Variants in GRM5 observed in about 807,000 individuals in gnomAD.
GRM5 encodes glutamate metabotropic receptor 5, also known as metabotropic glutamate receptor 5.
A neutral mutation model predicts 83.1 loss-of-function variants in GRM5; 19 were observed. The observed-to-expected ratio is 0.23, with a 90% CI of 0.16 to 0.34. The LOEUF (loss-of-function observed/expected upper bound fraction) is 0.34. Among genes scored for constraint, GRM5 ranks in the 10% least tolerant of loss-of-function variants. The pLI is 1.00. For missense variants in GRM5, 1,160 were observed against 1,588.3 expected (o/e 0.73, Z 4.58); for synonymous variants, 675 against 633.6 (o/e 1.07, Z -0.98).
chr11:88,767,037 T>A (rs1942636641), intron 3 of GRM5, among the ~76,000 whole-genome samples: 1 of 151,712 alleles, frequency 6.6e-6, no homozygotes, highest in Non-Finnish European at 1.5e-5. Context: ...ATTTAATTTT[T>A]TTCTCTTGTT....
intron 4 of GRM5, among the ~76,000 whole-genome samples, chr11:88,648,160 C>T (rs1392953689): frequency 6.6e-6 from 1 of 152,068 alleles, no homozygotes; most frequent in Non-Finnish European, 1.5e-5. Flanking sequence ...TGGGTATATA[C>T]CCAAAGGACT....
intron 3 of GRM5, among the ~76,000 whole-genome samples, chr11:88,794,072 C>T (rs1172671105): frequency 2.0e-5 from 3 of 152,140 alleles, no homozygotes; most frequent in Non-Finnish European, 4.4e-5. Context: ...ATCTGCCTGC[C>T]TCAGCCTTTA....
chr11:88,525,280 C>A, intron 9 of GRM5, 29 bp downstream of exon 9: 1 of 1,288,156 alleles, frequency 7.8e-7, no homozygotes, highest in Non-Finnish European at 1.1e-6. Context: ...TTATTTCACA[C>A]CACCTCAGGC....
intron 3 of GRM5, among the ~76,000 whole-genome samples, chr11:88,810,484 G>T (rs909542974): frequency 8.6e-5 from 13 of 152,014 alleles, no homozygotes; most frequent in Non-Finnish European, 8.8e-5. Flanking sequence ...TATAAGATTA[G>T]CAAGGTATGG....
chr11:88,712,188 C>G (rs1335433246), intron 3 of GRM5, among the ~76,000 whole-genome samples: 3 of 152,054 alleles, frequency 2.0e-5, no homozygotes, highest in Non-Finnish European at 1.5e-5. Context: ...CAACAAGGTA[C>G]TGAGATTCAG....
chr11:88,911,425 A>G (rs1221192732), intron 2 of GRM5, among the ~76,000 whole-genome samples: 1 of 152,180 alleles, frequency 6.6e-6, no homozygotes, highest in East Asian at 1.9e-4. Context: ...AAACAAATTT[A>G]ACAAATTAAA....
chr11:88,519,650 A>C (rs1941625106), intron 9 of GRM5, among the ~76,000 whole-genome samples: 1 of 152,186 alleles, frequency 6.6e-6, no homozygotes, highest in African/African-American at 2.4e-5. Flanking sequence ...CAGGGAAATT[A>C]TATCATTGAA....
intron 4 of GRM5, among the ~76,000 whole-genome samples, chr11:88,612,290 C>A (rs1001825202): frequency 6.6e-6 from 1 of 150,516 alleles, no homozygotes; most frequent in Non-Finnish European, 1.5e-5. Flanking sequence ...CTACAAAGGA[C>A]ATGAACCCAT....
chr11:88,791,949 A>G (rs2135475753), intron 3 of GRM5, among the ~76,000 whole-genome samples: 2 of 152,276 alleles, frequency 1.3e-5, no homozygotes, highest in Middle Eastern at 6.8e-3. Flanking sequence ...AAAAAAGAGT[A>G]AAATGGATTT....
intron 1 of GRM5, among the ~76,000 whole-genome samples, chr11:89,061,815 AG>A (rs1942000242): frequency 6.6e-6 from 1 of 152,238 alleles, no homozygotes; most frequent in African/African-American, 2.4e-5. Context: ...AACATTGAAG[AG>A]TTTGGGCTTT....
intron 3 of GRM5, among the ~76,000 whole-genome samples, chr11:88,780,956 T>C (rs946851280): frequency 2.6e-5 from 4 of 152,036 alleles, no homozygotes; most frequent in African/African-American, 9.7e-5. Context: ...CTGTAGTCAT[T>C]AAACATGGCT....
intron 9 of GRM5, chr11:88,511,615 G>A (rs993850065): frequency 6.6e-6 from 1 of 152,228 alleles, no homozygotes; most frequent in Non-Finnish European, 1.5e-5. Flanking sequence ...CCATTTTCAG[G>A]TTTGGAGGTT....
chr11:88,635,823 T>C (rs1484502145), intron 4 of GRM5, among the ~76,000 whole-genome samples: 8 of 152,216 alleles, frequency 5.3e-5, no homozygotes, highest in Non-Finnish European at 7.3e-5. Flanking sequence ...CTAGGTCTTA[T>C]GTTTAAGCCT....
chr11:88,741,635 C>A (rs1331636513), intron 3 of GRM5, among the ~76,000 whole-genome samples: 1 of 152,044 alleles, frequency 6.6e-6, no homozygotes, highest in Non-Finnish European at 1.5e-5. Flanking sequence ...GTATATTAAT[C>A]TATACCATCA....
At position 88,928,858 on chromosome 11, in the gene GRM5, G is replaced by A. The variant is rs190682605; in HGVS notation, c.662-78703C>T. On this transcript the variant is annotated intron_variant, in intron 2 of 9. Transcript: ENST00000305447. ...GCAGTAAATGGATAGTAAGAAATATGGATGAAATTTTTTTCCCTTATTGGT... is the reference window on the plus strand; with the variant it reads ...GCAGTAAATGGATAGTAAGAAATATAGATGAAATTTTTTTCCCTTATTGGT... 5.9e-3 allele frequency among the ~76,000 whole-genome samples: 858 copies of A among 146,182 alleles called. 4 individuals carry two copies. Among genetic ancestry groups the A allele is most frequent in the Non-Finnish European group, 8.8e-3 (586 of 66,646 alleles).
intron 8 of GRM5, among the ~76,000 whole-genome samples, chr11:88,543,613 A>T (rs557107887): frequency 8.1e-5 from 12 of 147,688 alleles, no homozygotes; most frequent in African/African-American, 2.5e-4. Flanking sequence ...CACAACCAGG[A>T]CCCATACCAT....
chr11:88,618,605 C>CA (rs34947093), intron 4 of GRM5, among the ~76,000 whole-genome samples: 13,235 of 129,192 alleles, frequency 0.1, 1,415 homozygotes, highest in African/African-American at 0.28. Context: ...TCTGTGTCCT[C>CA]AAAAAAAAAA....
intron 8 of GRM5, among the ~76,000 whole-genome samples, chr11:88,534,983 T>C (rs1228175597): frequency 6.6e-6 from 1 of 152,166 alleles, no homozygotes; most frequent in Non-Finnish European, 1.5e-5. Flanking sequence ...AAGATGGGAC[T>C]TGCTTCTCCT....
intron 3 of GRM5, among the ~76,000 whole-genome samples, chr11:88,824,167 G>T (rs1943852475): frequency 6.6e-6 from 1 of 151,942 alleles, no homozygotes; most frequent in Non-Finnish European, 1.5e-5. Flanking sequence ...TATTCTATTT[G>T]GAAGCATTAA....
Sources: gnomAD v4.1 joint callset for allele counts (sites outside exome capture counted in the v4.1 genomes callset) on GRCh38, gnomAD v4.1.1 for gene constraint, MANE v1.5 for transcripts, NCBI Gene and HGNC (gene_info 2026-07-23, HGNC 2026-07-21) for gene names.